Variants in TENM2 observed in about 807,000 individuals in gnomAD.
The protein encoded by TENM2 is teneurin transmembrane protein 2.
Under a neutral mutation model 245.2 loss-of-function variants are expected in TENM2, and 52 were observed. The observed-to-expected ratio is 0.21, with a 90% confidence interval of 0.17 to 0.27. TENM2 has a LOEUF of 0.27. TENM2 is among the 10% of genes least tolerant of loss of function. TENM2 has a pLI of 1.00. For synonymous variants in TENM2, 1,363 were observed against 1,438.9 expected (o/e 0.95, Z 1.19); for missense variants, 3,046 against 3,666.8 (o/e 0.83, Z 4.37).
intron 2 of TENM2, among the ~76,000 whole-genome samples, chr5:167,510,848 G>A (rs1047335574): frequency 6.6e-6 from 1 of 152,004 alleles, no homozygotes; most frequent in African/African-American, 2.4e-5. Flanking sequence ...AAAATCTTCA[G>A]TCTCACTATG....
chr5:167,160,634 G>A, the TENM2 span, among the ~76,000 whole-genome samples: 1 of 152,182 alleles, frequency 6.6e-6, no homozygotes, highest in Non-Finnish European at 1.5e-5. Context: ...GAACTTCCCT[G>A]CCCACTCAAT....
chr5:167,749,368 G>A (rs1012996678), intron 2 of TENM2, among the ~76,000 whole-genome samples: 18 of 152,228 alleles, frequency 1.2e-4, no homozygotes, highest in Admixed American at 5.2e-4. Flanking sequence ...AGCTGGGAAC[G>A]GTGGCTCATG....
chr5:167,790,493 C>T (rs890461151), intron 2 of TENM2, among the ~76,000 whole-genome samples: 2 of 152,034 alleles, frequency 1.3e-5, no homozygotes, highest in African/African-American at 4.8e-5. Context: ...CACAGAGGAA[C>T]GAAAATAGAG....
chr5:167,408,941 A>T (rs1290115087), intron 2 of TENM2, among the ~76,000 whole-genome samples: 1 of 146,644 alleles, frequency 6.8e-6, no homozygotes, highest in Admixed American at 6.9e-5. Context: ...TCCCAAATCT[A>T]ATATATATAT....
the TENM2 span, among the ~76,000 whole-genome samples, chr5:167,124,278 AT>A: frequency 6.6e-6 from 1 of 152,144 alleles, no homozygotes; most frequent in South Asian, 2.1e-4. Flanking sequence ...ACAGAAGGAG[AT>A]TTTTTCAATG....
chr5:167,634,660 CTT>C (rs879311468), intron 2 of TENM2, among the ~76,000 whole-genome samples: 3 of 143,954 alleles, frequency 2.1e-5, no homozygotes, highest in Non-Finnish European at 4.6e-5. Context: ...AATAAAGCTT[CTT>C]TTTTTTTTTT....
the TENM2 span, among the ~76,000 whole-genome samples, chr5:167,260,616 A>C: frequency 6.6e-6 from 1 of 152,198 alleles, no homozygotes; most frequent in Non-Finnish European, 1.5e-5. Context: ...ATTATCAAGC[A>C]ATAAACAATT....
chr5:168,222,306 C>G (rs560208591), intron 23 of TENM2, among the ~76,000 whole-genome samples: 1 of 152,206 alleles, frequency 6.6e-6, no homozygotes, highest in Admixed American at 6.5e-5. Flanking sequence ...TAGCAAACTT[C>G]GGGCTCAGAG....
the TENM2 span, among the ~76,000 whole-genome samples, chr5:167,263,226 TG>T: frequency 1.3e-5 from 2 of 152,206 alleles, no homozygotes; most frequent in Non-Finnish European, 2.9e-5. Context: ...TTAAGTACTA[TG>T]TTAATGTTTT....
intron 4 of TENM2, among the ~76,000 whole-genome samples, chr5:167,970,446 G>A (rs1227859069): frequency 2.0e-5 from 3 of 152,210 alleles, no homozygotes; most frequent in Admixed American, 6.5e-5. Flanking sequence ...GGCTCATGAT[G>A]AGAAAGTTAA....
chr5:168,202,451 T>C (rs1306349181), intron 17 of TENM2, among the ~76,000 whole-genome samples: 1 of 151,256 alleles, frequency 6.6e-6, no homozygotes, highest in East Asian at 1.9e-4. Flanking sequence ...GGGCACCTTT[T>C]CAAGCTCATT....
the TENM2 span, among the ~76,000 whole-genome samples, chr5:167,168,809 G>A: frequency 4.1e-4 from 62 of 152,210 alleles, no homozygotes; most frequent in African/African-American, 1.4e-3. Context: ...GTTCAGGCTG[G>A]AGTGCAGTGG....
rs139780161 is a variant in TENM2, at chr5:167,945,082, T to C, written c.713-7506T>C. The stretch of plus-strand genomic sequence containing the variant: ...CAGAAATCTACTCTGATCCCTGTCC[T>C]CTGAGACTCTAAATATAACTCCCAG... On this transcript the variant is annotated intron_variant, in intron 3 of 28. Transcript: ENST00000518659. 3.9e-3 allele frequency among the ~76,000 whole-genome samples: 588 copies of C among 152,312 alleles called. 3 individuals carry two copies. The highest frequency in any genetic ancestry group is 0.013 in the African/African-American group (541 of 41,566).
intron 2 of TENM2, among the ~76,000 whole-genome samples, chr5:167,559,101 A>C (rs1157134349): frequency 6.6e-6 from 1 of 152,198 alleles, no homozygotes; most frequent in East Asian, 1.9e-4. Context: ...TGTGCAATGC[A>C]GTTTGAATGG....
Position 167,746,710 on chromosome 5 carries a change from A to AGAGAGAGAGAGAGAGAGAGAGAGAGC in TENM2, c.503-129271_503-129270insAGAGAGAGAGAGAGAGAGAGCGAGAG, listed in dbSNP as rs761614775. ...GAGAGAGAGAGAGAGAGAGAGAGAG[A>AGAGAGAGAGAGAGAGAGAGAGAGAGC]GAGAGCTGGACTCTACACAATTAGT... On this transcript the variant is annotated intron_variant, in intron 2 of 28. Transcript: ENST00000518659. Among the ~76,000 whole-genome samples the AGAGAGAGAGAGAGAGAGAGAGAGAGC allele has an allele frequency of 7.5e-4, 108 of 144,942 alleles. 1 individual carries two copies. The highest frequency in any genetic ancestry group is 1.3e-3 in the South Asian group (6 of 4,492).
At chr5:167,007,156 A>G in the TENM2 span, among the ~76,000 whole-genome samples, 1 of 152,274 alleles carries the variant, frequency 6.6e-6, no homozygotes, top group East Asian at 1.9e-4. The surrounding 1 kb of genome is among the most constrained non-coding windows in gnomAD (Gnocchi z 4.2). Flanking sequence ...CTTGAATATT[A>G]TTATCACAAT....
intron 3 of TENM2, among the ~76,000 whole-genome samples, chr5:167,890,878 A>G (rs1774695454): frequency 6.6e-6 from 1 of 152,180 alleles, no homozygotes; most frequent in Non-Finnish European, 1.5e-5. Context: ...CTTTTAGGAA[A>G]CACTATCATG....
At chr5:167,756,346 A>G (rs1302043713) in intron 2 of TENM2, among the ~76,000 whole-genome samples, 1 of 152,052 alleles carries the variant, frequency 6.6e-6, no homozygotes, top group African/African-American at 2.4e-5. Flanking sequence ...CAACCCCACA[A>G]CACAAGCTCA....
At chr5:168,080,731 T>G (rs983860036) in intron 7 of TENM2, among the ~76,000 whole-genome samples, 1 of 152,210 alleles carries the variant, frequency 6.6e-6, no homozygotes, top group Non-Finnish European at 1.5e-5. Context: ...TTCCATGTAG[T>G]TGAGCGATTC....
Sources: gnomAD v4.1 joint callset for allele counts (sites outside exome capture counted in the v4.1 genomes callset) on GRCh38, gnomAD v4.1.1 for gene constraint, Gnocchi (gnomAD v3.1) non-coding constraint, MANE v1.5 for transcripts, NCBI Gene and HGNC (gene_info 2026-07-23, HGNC 2026-07-21) for gene names.